Variants in MELK observed in about 807,000 individuals in gnomAD.
MELK encodes the protein pEg3 kinase.
A neutral mutation model predicts 85.0 loss-of-function variants in MELK; 81 were observed. The ratio of observed to expected loss-of-function variants is 0.95; its 90% CI spans 0.80 to 1.15. The LOEUF (loss-of-function observed/expected upper bound fraction) is 1.15, where lower values mean the gene tolerates loss of function less well. Ranked by LOEUF, MELK falls within the 50% of genes most tolerant of loss-of-function variation. The pLI is 0.00. For missense variants in MELK, 754 were observed against 777.5 expected (o/e 0.97, Z 0.36); for synonymous variants, 252 against 265.0 (o/e 0.95, Z 0.48).
At chr9:36,675,690 C>T (rs191168696) in intron 17 of MELK, among the ~76,000 whole-genome samples, 4 of 152,298 alleles carry the variant, frequency 2.6e-5, no homozygotes, top group African/African-American at 9.6e-5. Flanking sequence ...GTTGAAGGAA[C>T]TGCCATCAAA....
intron 4 of MELK, among the ~76,000 whole-genome samples, chr9:36,591,214 GATTTTAAAACCTCTTTGGTA>G: frequency 6.6e-6 from 1 of 152,236 alleles, no homozygotes; most frequent in South Asian, 2.1e-4. Flanking sequence ...AAACCTCTTT[GATTTTAAAACCTCTTTGGTA>G]ATTTTAAAAC....
At chr9:36,672,120 G>A (rs1832943831) in intron 16 of MELK, among the ~76,000 whole-genome samples, 1 of 152,182 alleles carries the variant, frequency 6.6e-6, no homozygotes, top group African/African-American at 2.4e-5. Context: ...GGGCAGAAGG[G>A]TGTTTTAGAG....
intron 3 of MELK, among the ~76,000 whole-genome samples, chr9:36,585,302 G>GTTTTTTTTTTTTTTTTT (rs869244728): frequency 1.3e-5 from 1 of 77,830 alleles, no homozygotes; most frequent in African/African-American, 5.8e-5. Flanking sequence ...ACCATTCTTT[G>GTTTTTTTTTTTTTTTTT]TTTTTTTTTT....
intron 10 of MELK, among the ~76,000 whole-genome samples, chr9:36,641,513 C>T (rs907858689): frequency 3.9e-5 from 6 of 152,010 alleles, no homozygotes; most frequent in African/African-American, 1.4e-4. Flanking sequence ...GAGGGAGATG[C>T]TAACCATTCC....
chr9:36,674,243 A>G (rs1289033891), intron 16 of MELK, among the ~76,000 whole-genome samples: 2 of 152,232 alleles, frequency 1.3e-5, no homozygotes, highest in African/African-American at 4.8e-5. Context: ...ATAAATATCA[A>G]TTAGGAATGA....
chr9:36,613,699 G>A (rs1251067131), intron 8 of MELK, among the ~76,000 whole-genome samples: 1 of 152,120 alleles, frequency 6.6e-6, no homozygotes, highest in African/African-American at 2.4e-5. Context: ...TGGATATCTA[G>A]GAGAAAAATA....
chr9:36,615,081 C>T (rs866938856), intron 8 of MELK, among the ~76,000 whole-genome samples: 2 of 132,766 alleles, frequency 1.5e-5, no homozygotes, highest in African/African-American at 5.6e-5. Context: ...ACCCCCCCCC[C>T]ACCTCCCTCC....
At chr9:36,675,585 G>A (rs999921483) in intron 17 of MELK, among the ~76,000 whole-genome samples, 1 of 152,072 alleles carries the variant, frequency 6.6e-6, no homozygotes, top group Non-Finnish European at 1.5e-5. Flanking sequence ...ATGAATCAGG[G>A]ATTTATACAG....
At chr9:36,587,714 A>T (rs1306441957) in intron 3 of MELK, among the ~76,000 whole-genome samples, 1 of 150,974 alleles carries the variant, frequency 6.6e-6, no homozygotes, top group African/African-American at 2.4e-5. Context: ...CTCCTGCCTC[A>T]GCCTCCTGAG....
chr9:36,586,257 C>G (rs1822891129), intron 3 of MELK, among the ~76,000 whole-genome samples: 2 of 150,400 alleles, frequency 1.3e-5, no homozygotes. Context: ...GTGGGAAGAT[C>G]ACTTGAGTCT....
intron 8 of MELK, among the ~76,000 whole-genome samples, chr9:36,613,811 G>A (rs1323773159): frequency 6.6e-6 from 1 of 152,190 alleles, no homozygotes; most frequent in African/African-American, 2.4e-5. Context: ...AGTTTAGCAA[G>A]TGAGGAGGGC....
chr9:36,665,186 A>T (rs1832217140), intron 13 of MELK, among the ~76,000 whole-genome samples, 164 bp from the exon 14 acceptor site: 1 of 152,236 alleles, frequency 6.6e-6, no homozygotes, highest in African/African-American at 2.4e-5. Flanking sequence ...TACATGTATT[A>T]AAGAAAACTA....
intron 1 of MELK, among the ~76,000 whole-genome samples, chr9:36,577,051 C>T (rs1320240533): frequency 6.6e-6 from 1 of 152,160 alleles, no homozygotes. Flanking sequence ...CCTTTATAAG[C>T]TCACCACACT....
intron 8 of MELK, among the ~76,000 whole-genome samples, chr9:36,627,053 AACACACACACAC>A (rs10608377): frequency 1.2e-4 from 17 of 140,960 alleles, no homozygotes; most frequent in South Asian, 2.3e-4. Context: ...CACAAGCGCA[AACACACACACAC>A]ACACACACAC....
chr9:36,670,322 A>C (rs1165394435), intron 15 of MELK, among the ~76,000 whole-genome samples: 1 of 152,122 alleles, frequency 6.6e-6, no homozygotes, highest in East Asian at 1.9e-4. Flanking sequence ...ACTATCTCCA[A>C]CCAGAAAAAT....
chr9:36,631,767 C>CT (rs374174678), intron 9 of MELK, among the ~76,000 whole-genome samples: 187 of 147,324 alleles, frequency 1.3e-3, no homozygotes, highest in African/African-American at 3.6e-3. Context: ...CTTTAGTTTT[C>CT]TTTTTTTTTT....
At chr9:36,585,234 T>G (rs1012187866) in intron 3 of MELK, among the ~76,000 whole-genome samples, 1 of 152,008 alleles carries the variant, frequency 6.6e-6, no homozygotes, top group African/African-American at 2.4e-5. Context: ...CTGGGGCTTC[T>G]GTACCCATTC....
intron 10 of MELK, among the ~76,000 whole-genome samples, chr9:36,634,079 T>C (rs1828887871): frequency 6.6e-6 from 1 of 152,226 alleles, no homozygotes; most frequent in African/African-American, 2.4e-5. Context: ...CATTGGTTAT[T>C]TGGAAAACAC....
chr9:36,623,117 A>G (rs1827597327), intron 8 of MELK, among the ~76,000 whole-genome samples: 1 of 152,208 alleles, frequency 6.6e-6, no homozygotes, highest in Non-Finnish European at 1.5e-5. Flanking sequence ...GTTTAGCAGC[A>G]TCCATTACCT....
Sources: allele counts gnomAD v4.1 joint callset (sites outside exome capture counted in the v4.1 genomes callset), GRCh38; gene constraint gnomAD v4.1.1; transcripts MANE v1.5; gene names NCBI Gene and HGNC (gene_info 2026-07-23, HGNC 2026-07-21).